LRRC47: variants seen among roughly 807,000 people sequenced by gnomAD.
LRRC47 encodes leucine rich repeat containing 47, also known as leucine-rich repeat-containing protein 47.
LRRC47 carries 31 observed loss-of-function variants against 40.9 expected under a neutral mutation model. The observed-to-expected ratio is 0.76, with a 90% CI of 0.57 to 1.02. The LOEUF is 1.02. Ranked by LOEUF, LRRC47 falls within the 50% of genes least tolerant of loss-of-function variation. LRRC47 has a pLI of 0.00. For missense variants in LRRC47, 726 were observed against 796.1 expected (o/e 0.91, Z 1.06); for synonymous variants, 427 against 371.9 (o/e 1.15, Z -1.70).
chr1:3,781,956 C>T (rs566544296), intron 5 of LRRC47, among the ~76,000 whole-genome samples: 90 of 152,252 alleles, frequency 5.9e-4, no homozygotes, highest in African/African-American at 2.1e-3. Flanking sequence ...ACTCCAACTT[C>T]GGCAACACAG....
intron 5 of LRRC47, 111 bp from the exon 6 acceptor site, chr1:3,781,712 G>C: frequency 1.2e-6 from 1 of 836,112 alleles, no homozygotes; most frequent in Non-Finnish European, 2.0e-6. Context: ...AGGCACAGTG[G>C]CTCACACCTG....
At chr1:3,786,067 G>A (rs1033847583) in intron 2 of LRRC47, among the ~76,000 whole-genome samples, 8 of 151,924 alleles carry the variant, frequency 5.3e-5, no homozygotes, top group African/African-American at 1.5e-4. Context: ...ATGGGGTTTC[G>A]TCATGTTGTC....
intron 1 of LRRC47, among the ~76,000 whole-genome samples, chr1:3,791,615 C>G (rs1170846369): frequency 7.2e-5 from 11 of 152,208 alleles, no homozygotes; most frequent in African/African-American, 2.7e-4. Flanking sequence ...CGCCACCACG[C>G]CCGGCTAATT....
intron 1 of LRRC47, among the ~76,000 whole-genome samples, chr1:3,788,695 T>C (rs1324365851): frequency 2.0e-5 from 3 of 151,988 alleles, no homozygotes; most frequent in African/African-American, 7.3e-5. Flanking sequence ...AGAAATGGGA[T>C]GGCGCTCAGA....
chr1:3,796,272 C>T lies in LRRC47; in HGVS notation c.205G>A (p.Gly69Ser). The T allele has an allele frequency of 6.8e-7, 1 of 1,476,762 alleles. No individual in the cohort carries two copies. The highest frequency in any genetic ancestry group is 8.9e-7 in the Non-Finnish European group (1 of 1,122,316). The allele number at this position is 1,476,762 out of a possible 1,614,324, so 91.5% of individuals were successfully genotyped here. Reference protein sequence around the residue: ...GCGSLRAPGPGLAQGLPQLHS... With the variant: ...GCGSLRAPGPSLAQGLPQLHS... ...AGCTGCGGCAGGCCCTGCGCCAGGC[C>T]AGGCCCCGGCGCGCGCAAGCTCCCG... The change falls in exon 1 of 7, where the codon GGC (glycine) becomes AGC (serine). Residue 69 changes from glycine to serine, a missense_variant. Gly to Ser is a moderately conservative substitution (Grantham distance 56, BLOSUM62 0). Coordinates refer to ENST00000378251, the MANE Select transcript of LRRC47 (RefSeq NM_020710.3).
chr1:3,782,855 G>A (rs1643534256), intron 4 of LRRC47, 92 bp from the exon 5 acceptor site: 1 of 820,956 alleles, frequency 1.2e-6, no homozygotes, highest in Non-Finnish European at 2.1e-6. Context: ...CAGCACTCAG[G>A]AGGCTGAGAC....
At chr1:3,783,926 C>T in intron 4 of LRRC47, 70 bp downstream of exon 4, 1 of 1,320,750 alleles carries the variant, frequency 7.6e-7, no homozygotes, top group South Asian at 1.3e-5. Flanking sequence ...GGAGCACAGA[C>T]TAACTCAGCT....
At position 3,782,751 on chromosome 1, in the gene LRRC47, CA is replaced by C; in HGVS notation, c.1322del (p.Leu441CysfsTer18). 2 of 1,597,778 alleles carry C rather than the reference CA, an allele frequency of 1.3e-6. No homozygotes were observed. Among genetic ancestry groups the C allele is most frequent in the Non-Finnish European group, 1.7e-6 (2 of 1,165,094 alleles). The stretch of plus-strand genomic sequence containing the variant: ...ACGGGTAATTTTCATTTCCATCCAG[CA>C]AGTGAAGGTATCTGTATGGGAAGAA... ...SVSGLHRYLHLLDGNENYPCL... is the reference protein window; with the variant it reads ...SVSGLHRYLHXLDGNENYPCL... On this transcript the variant is annotated frameshift_variant, in exon 5 of 7. Transcript: ENST00000378251. LOFTEE classifies it high-confidence loss of function.
chr1:3,786,071 T>C (rs371981257), intron 2 of LRRC47, among the ~76,000 whole-genome samples: 1 of 152,002 alleles, frequency 6.6e-6, no homozygotes, highest in Non-Finnish European at 1.5e-5. Flanking sequence ...GGTTTCGTCA[T>C]GTTGTCCAGG....
At chr1:3,784,940 A>G in intron 3 of LRRC47, 147 bp downstream of exon 3, 2 of 446,078 alleles carry the variant, frequency 4.5e-6, no homozygotes, top group Non-Finnish European at 7.9e-6. Context: ...GGCTGCAGTG[A>G]GCCGAGATTG....
chr1:3,785,238 T>C (rs1320607543), intron 2 of LRRC47, 35 bp from the exon 3 acceptor site: 16 of 1,445,000 alleles, frequency 1.1e-5, no homozygotes, highest in Admixed American at 7.1e-5. Flanking sequence ...CAAGGTCTCT[T>C]GTGCCCTGAA....
intron 1 of LRRC47, among the ~76,000 whole-genome samples, chr1:3,795,305 C>A (rs1214265843): frequency 1.3e-5 from 2 of 152,268 alleles, no homozygotes; most frequent in East Asian, 1.9e-4. Context: ...AGACGCTGGA[C>A]AATATAGTCT....
chr1:3,796,038 C>T lies in LRRC47; in HGVS notation c.439G>A (p.Asp147Asn). The T allele has an allele frequency of 6.5e-7, 1 of 1,543,370 alleles. No homozygotes were observed. Among genetic ancestry groups the T allele is most frequent in the Non-Finnish European group, 8.7e-7 (1 of 1,146,994 alleles). The change falls in exon 1 of 7, where the codon GAC (aspartate) becomes AAC (asparagine). Residue 147 changes from aspartate (D) to asparagine (N), a missense_variant. Coordinates refer to ENST00000378251, the MANE Select transcript of LRRC47 (RefSeq NM_020710.3). ...AGGCGCGGGGCGCAGCGCGCCAGGT[C>T]GGCTGGCAGCTCGCGCAGCCGGTTG... ...SGNRLRELPA[D>N]LARCAPRLQS...
chr1:3,786,768 A>T (rs1434865067), intron 2 of LRRC47, 81 bp downstream of exon 2: 1 of 1,336,192 alleles, frequency 7.5e-7, no homozygotes, highest in Non-Finnish European at 1.0e-6. Context: ...TCCTTCGGAC[A>T]CGCTGGCCTC....
intron 6 of LRRC47, 25 bp from the exon 7 acceptor site, chr1:3,781,361 A>G (rs771268778): frequency 6.2e-7 from 1 of 1,607,520 alleles, no homozygotes. Context: ...TACCTTTTTA[A>G]CCTGGAGATG....
Position 3,786,909 on chromosome 1 carries a change from G to A in LRRC47, c.1017C>T (p.Ala339=), listed in dbSNP as rs200590029. 8.9e-5 allele frequency: 143 copies of A among 1,606,738 alleles called. 1 individual carries two copies. In the East Asian group the frequency reaches 1.1e-3, roughly 12 times the overall value. The change falls in exon 2 of 7, where the codon GCC becomes GCT. Residue 339 remains alanine, a synonymous_variant. Transcript: ENST00000378251. ...VRDVRPYIVG[A]VVRGMDLQPG... is the part of the protein sequence containing the mutation. Reference sequence around the variant, plus strand: ...GCTGCAGGTCCATGCCTCGCACCACGGCCCCCACAATGTAGGGCCGCACAT... The same window carrying A: ...GCTGCAGGTCCATGCCTCGCACCACAGCCCCCACAATGTAGGGCCGCACAT...
intron 3 of LRRC47, among the ~76,000 whole-genome samples, chr1:3,784,683 G>GC (rs1643555300): frequency 6.6e-6 from 1 of 152,242 alleles, no homozygotes; most frequent in African/African-American, 2.4e-5. Flanking sequence ...TGCAAGAACA[G>GC]CATCGGATCC....
At chr1:3,785,467 CATA>C (rs1252797570) in intron 2 of LRRC47, 1 of 186,594 alleles carries the variant, frequency 5.4e-6, no homozygotes, top group Middle Eastern at 2.1e-3. Flanking sequence ...CTAATTCTGA[CATA>C]ATATTTGAGA....
At chr1:3,782,042 C>T (rs1320311639) in intron 5 of LRRC47, among the ~76,000 whole-genome samples, 1 of 152,182 alleles carries the variant, frequency 6.6e-6, no homozygotes, top group Non-Finnish European at 1.5e-5. Flanking sequence ...AGGAAGACTG[C>T]AGTGCTGCAC....
Sources: allele counts gnomAD v4.1 joint callset (sites outside exome capture counted in the v4.1 genomes callset), GRCh38; gene constraint gnomAD v4.1.1; transcripts MANE v1.5; gene names NCBI Gene and HGNC (gene_info 2026-07-23, HGNC 2026-07-21).